Variants in ARMC9 observed in about 807,000 individuals in gnomAD.
ARMC9 encodes lisH domain-containing protein ARMC9.
ARMC9 carries 94 observed loss-of-function variants against 107.0 expected under a neutral mutation model. The ratio of observed to expected loss-of-function variants is 0.88; its 90% confidence interval spans 0.74 to 1.04. The LOEUF (loss-of-function observed/expected upper bound fraction) is 1.04, where lower values mean the gene tolerates loss of function less well. Ranked by LOEUF, ARMC9 falls within the 50% of genes least tolerant of loss-of-function variation. The pLI, the probability that ARMC9 is intolerant of heterozygous loss-of-function variation, is 0.00. For missense variants in ARMC9, 942 were observed against 1,030.1 expected (o/e 0.91, Z 1.17); for synonymous variants, 380 against 396.9 (o/e 0.96, Z 0.51).
intron 21 of ARMC9, among the ~76,000 whole-genome samples, chr2:231,351,114 C>T (rs567674070): frequency 2.1e-5 from 3 of 146,194 alleles, no homozygotes; most frequent in African/African-American, 2.6e-5. Flanking sequence ...CCTACCACCA[C>T]GCCCGGCTAT....
intron 21 of ARMC9, among the ~76,000 whole-genome samples, chr2:231,349,046 T>C (rs74508907): frequency 0.08 from 12,225 of 152,108 alleles, 1,452 homozygotes; most frequent in African/African-American, 0.26. Flanking sequence ...GAACTAAAAA[T>C]AGAGCTACCA....
At chr2:231,321,568 A>C (rs1559458964) in intron 19 of ARMC9, among the ~76,000 whole-genome samples, 1 of 152,160 alleles carries the variant, frequency 6.6e-6, no homozygotes, top group Admixed American at 6.5e-5. Flanking sequence ...TCATTGGGTC[A>C]GGAGTGTGTC....
At chr2:231,340,907 C>A (rs1249453022) in intron 20 of ARMC9, among the ~76,000 whole-genome samples, 1 of 151,738 alleles carries the variant, frequency 6.6e-6, no homozygotes, top group Admixed American at 6.6e-5. Flanking sequence ...AACAAACAAA[C>A]AAAAAACAAG....
intron 19 of ARMC9, among the ~76,000 whole-genome samples, chr2:231,317,816 G>A (rs2042787278): frequency 2.0e-5 from 3 of 151,948 alleles, no homozygotes; most frequent in Admixed American, 2.0e-4. Flanking sequence ...GTACTTTTCA[G>A]CTCTAGAATT....
chr2:231,300,385 G>C (rs767641813), intron 19 of ARMC9, among the ~76,000 whole-genome samples: 1 of 152,176 alleles, frequency 6.6e-6, no homozygotes, highest in Non-Finnish European at 1.5e-5. Context: ...ATGGGGAAGG[G>C]ATGCAAAAGA....
intron 19 of ARMC9, among the ~76,000 whole-genome samples, chr2:231,330,229 C>CTTTTTTTTTTTT (rs201716312): frequency 1.5e-5 from 2 of 134,838 alleles, no homozygotes; most frequent in African/African-American, 2.8e-5. Flanking sequence ...CTTTTTCTTT[C>CTTTTTTTTTTTT]TTTTTTTTTT....
chr2:231,235,216 C>G lies in ARMC9; in HGVS notation c.623-8C>G. On this transcript the variant is annotated splice_polypyrimidine_tract_variant and splice_region_variant and intron_variant, in intron 7 of 24. Transcript: ENST00000611582. ...TATTGATGTTGTTTGTTTTAACTGT[C>G]TTCCTAGAAATCTTGCAGCAGCTCC... 6.2e-7 allele frequency: 1 copy of G among 1,607,490 alleles called. No individual in the cohort carries two copies. Among genetic ancestry groups the G allele is most frequent in the South Asian group, 1.1e-5 (1 of 89,236 alleles).
chr2:231,243,328 A>G (rs1435005343), intron 9 of ARMC9, among the ~76,000 whole-genome samples: 1 of 150,690 alleles, frequency 6.6e-6, no homozygotes, highest in Non-Finnish European at 1.5e-5. Context: ...TGGGAGGATC[A>G]CTTGAGCCCA....
chr2:231,288,147 G>A (rs1395246600), intron 17 of ARMC9, among the ~76,000 whole-genome samples: 1 of 152,196 alleles, frequency 6.6e-6, no homozygotes, highest in Non-Finnish European at 1.5e-5. Flanking sequence ...CTAGCGTGCA[G>A]TAAGCATTGA....
intron 12 of ARMC9, among the ~76,000 whole-genome samples, chr2:231,268,973 C>T (rs928021852): frequency 6.6e-5 from 10 of 152,056 alleles, no homozygotes; most frequent in Non-Finnish European, 1.0e-4. Context: ...AAGGCTGAGG[C>T]GAGAGGATTG....
chr2:231,371,998 A>G lies in ARMC9; in HGVS notation c.*463A>G, dbSNP rs1191398862. The G allele has an allele frequency of 6.2e-6, 1 of 161,670 alleles. No homozygotes were observed. Among genetic ancestry groups the G allele is most frequent in the African/African-American group, 2.4e-5 (1 of 41,864 alleles). 10.0% of individuals were successfully genotyped at this position (161,670 alleles called of 1,614,324 possible). A position where few individuals can be genotyped will look rare whatever the true frequency, so the allele number is the denominator to read the frequency against. On this transcript the variant is annotated 3_prime_UTR_variant, in exon 25 of 25. Coordinates refer to ENST00000611582, the MANE Select transcript of ARMC9 (RefSeq NM_001352754.2). ...GGCTGACTACCAGGACCCAGAAGGA[A>G]CTCAGGGTGAAGCTCATTTTATTCT... is the stretch of plus-strand genomic sequence containing the variant.
At position 231,216,073 on chromosome 2, in the gene ARMC9, C is replaced by T. The variant is rs868780014; in HGVS notation, c.349-565C>T. Among the ~76,000 whole-genome samples the T allele has an allele frequency of 2.6e-5, 4 of 152,136 alleles. No individual in the cohort carries two copies. The South Asian group carries it at 8.3e-4, about 31-fold the overall frequency. ...ATTGAGGGCCAAGAGGAGATAGAAG[C>T]CCCGAGAGGGGAACTGACTTGCCTG... is the stretch of plus-strand genomic sequence containing the variant. On this transcript the variant is annotated intron_variant, in intron 4 of 24. Transcript: ENST00000611582.
At chr2:231,246,715 A>G (rs2036799507) in intron 9 of ARMC9, among the ~76,000 whole-genome samples, 1 of 152,204 alleles carries the variant, frequency 6.6e-6, no homozygotes, top group African/African-American at 2.4e-5. Flanking sequence ...CTTTCAGTAT[A>G]GAATTGCTGG....
At chr2:231,324,157 T>A (rs2043162867) in intron 19 of ARMC9, among the ~76,000 whole-genome samples, 1 of 138,980 alleles carries the variant, frequency 7.2e-6, no homozygotes, top group Non-Finnish European at 1.5e-5. Flanking sequence ...TGATGTAGTC[T>A]TGCTCTGTTG....
intron 1 of ARMC9, 131 bp from the exon 2 acceptor site, chr2:231,206,067 C>T (rs924037393): frequency 3.3e-5 from 22 of 658,394 alleles, no homozygotes; most frequent in Non-Finnish European, 5.9e-5. Flanking sequence ...TGTAACCTCA[C>T]GTATTCACAG....
At chr2:231,213,896 G>T (rs569240688) in intron 3 of ARMC9, among the ~76,000 whole-genome samples, 2 of 152,176 alleles carry the variant, frequency 1.3e-5, no homozygotes, top group Non-Finnish European at 2.9e-5. Flanking sequence ...GCAGTTGAGC[G>T]TAAAATGTAA....
chr2:231,201,765 C>G (rs760856919), intron 1 of ARMC9, among the ~76,000 whole-genome samples: 33 of 152,216 alleles, frequency 2.2e-4, no homozygotes, highest in Non-Finnish European at 4.7e-4. Context: ...AAGAACCTCT[C>G]ACATTGGTTA....
chr2:231,293,846 A>G (rs1324039739), intron 18 of ARMC9: 4 of 152,234 alleles, frequency 2.6e-5, no homozygotes, highest in Non-Finnish European at 4.4e-5. Context: ...ATTCAGATGG[A>G]AGACCAGACA....
At chr2:231,287,230 C>G (rs1363559944) in intron 17 of ARMC9, among the ~76,000 whole-genome samples, 1 of 152,232 alleles carries the variant, frequency 6.6e-6, no homozygotes, top group African/African-American at 2.4e-5. Flanking sequence ...TGCCTCCGCT[C>G]TCTCCAGAGG....
Sources: gnomAD v4.1 joint callset for allele counts (sites outside exome capture counted in the v4.1 genomes callset) on GRCh38, gnomAD v4.1.1 for gene constraint, MANE v1.5 for transcripts, NCBI Gene and HGNC (gene_info 2026-07-23, HGNC 2026-07-21) for gene names.